The following SND1 variants were observed in gnomAD, a reference collection of about 807,000 sequenced individuals.
SND1 encodes the protein staphylococcal nuclease domain-containing protein 1.
SND1 carries 38 observed loss-of-function variants against 121.7 expected under a neutral mutation model. The ratio of observed to expected loss-of-function variants is 0.31; its 90% CI spans 0.24 to 0.41. The LOEUF is 0.41. Among genes scored for constraint, SND1 ranks in the 10% least tolerant of loss-of-function variants. The pLI is 1.00. For missense variants in SND1, 868 were observed against 1,184.6 expected, an observed-to-expected ratio of 0.73 and a Z score of 3.92; for synonymous variants, 401 against 447.4, an observed-to-expected ratio of 0.90 and a Z score of 1.31.
At position 127,748,971 on chromosome 7, in the gene SND1, C is replaced by G. The variant is rs183348077; in HGVS notation, c.1152+27571C>G. On this transcript the variant is annotated intron_variant, in intron 10 of 23. Transcript: ENST00000354725. The stretch of plus-strand genomic sequence containing the variant: ...AAAACAGATTCCTGCTGTGCACCCC[C>G]CATGAAGTCAGAATTATCTGTGTAG... 1.2e-4 allele frequency among the ~76,000 whole-genome samples: 18 copies of G among 152,110 alleles called. No homozygotes were observed. The East Asian group carries it at 3.5e-3, about 29-fold the overall frequency.
intron 16 of SND1, among the ~76,000 whole-genome samples, chr7:128,034,761 A>G (rs939308560): frequency 6.6e-6 from 1 of 152,240 alleles, no homozygotes; most frequent in Non-Finnish European, 1.5e-5. Flanking sequence ...CAGCTGGGCC[A>G]GGAAAGCACC....
intron 15 of SND1, among the ~76,000 whole-genome samples, chr7:127,959,782 G>C (rs1801684555): frequency 6.6e-6 from 1 of 152,084 alleles, no homozygotes; most frequent in South Asian, 2.1e-4. Context: ...GGTCTGTTTT[G>C]TTCATTGCTA....
At chr7:127,885,697 G>A (rs1159430639) in intron 12 of SND1, among the ~76,000 whole-genome samples, 2 of 152,044 alleles carry the variant, frequency 1.3e-5, no homozygotes, top group African/African-American at 2.4e-5. Context: ...TTAAACATTT[G>A]TGTTGTTTTT....
intron 16 of SND1, among the ~76,000 whole-genome samples, chr7:128,053,303 A>C (rs1329202552): frequency 6.6e-6 from 1 of 152,204 alleles, no homozygotes; most frequent in Non-Finnish European, 1.5e-5. Flanking sequence ...CTGAAACTTC[A>C]AGAAGCCCCT....
At chr7:127,689,457 AG>A (rs2116313346) in intron 2 of SND1, among the ~76,000 whole-genome samples, 1 of 152,326 alleles carries the variant, frequency 6.6e-6, no homozygotes, top group East Asian at 1.9e-4. Flanking sequence ...CTAAGAAAGA[AG>A]GGTTGGATTT....
chr7:127,821,769 T>A (rs1353355908), intron 11 of SND1, among the ~76,000 whole-genome samples: 3 of 152,196 alleles, frequency 2.0e-5, no homozygotes, highest in Non-Finnish European at 4.4e-5. Context: ...GCAGTGATTT[T>A]AAAAAATTTT....
chr7:127,818,924 C>T (rs1246027314), intron 11 of SND1, among the ~76,000 whole-genome samples: 2 of 152,190 alleles, frequency 1.3e-5, no homozygotes, highest in Non-Finnish European at 2.9e-5. Context: ...GATGGTGTCA[C>T]GTGCAGCTAG....
At chr7:128,027,313 G>A (rs1172130389) in intron 16 of SND1, 2 of 152,500 alleles carry the variant, frequency 1.3e-5, no homozygotes, top group Admixed American at 1.3e-4. Flanking sequence ...TTCTCCTGAG[G>A]GGGCCTGGGA....
At chr7:127,757,886 GT>G (rs1423615255) in intron 10 of SND1, among the ~76,000 whole-genome samples, 1 of 152,122 alleles carries the variant, frequency 6.6e-6, no homozygotes, top group East Asian at 1.9e-4. Flanking sequence ...TGTTTCCTGT[GT>G]TCTTAATTTC....
At chr7:127,667,731 C>A (rs2116253822) in intron 1 of SND1, among the ~76,000 whole-genome samples, 1 of 152,314 alleles carries the variant, frequency 6.6e-6, no homozygotes, top group African/African-American at 2.4e-5. Context: ...AACAATATTA[C>A]AGATCAGGCG....
At chr7:128,047,413 A>G (rs1792968715) in intron 16 of SND1, among the ~76,000 whole-genome samples, 2 of 152,366 alleles carry the variant, frequency 1.3e-5, no homozygotes, top group Admixed American at 6.5e-5. Flanking sequence ...AGCCAAATCC[A>G]GGTACCACTG....
At chr7:127,680,620 G>C (rs1252388996) in intron 1 of SND1, among the ~76,000 whole-genome samples, 1 of 151,792 alleles carries the variant, frequency 6.6e-6, no homozygotes, top group African/African-American at 2.4e-5. Flanking sequence ...AGAGTTTAAG[G>C]TTCTCTCTCT....
rs58371490 is a variant in SND1, at chr7:128,022,204, C to CAA, written c.1779+31170_1779+31171dup. Reference sequence around the variant, plus strand: ...TGGGCAACAGAGCAAGACTCTCTCTCAAAAAAAAAAAAAAAAAAAAAAAGA... The same window carrying CAA: ...TGGGCAACAGAGCAAGACTCTCTCTCAAAAAAAAAAAAAAAAAAAAAAAAAGA... On this transcript the variant is annotated intron_variant, in intron 16 of 23. Transcript: ENST00000354725. 5.8e-3 allele frequency among the ~76,000 whole-genome samples: 429 copies of CAA among 73,606 alleles called. 2 individuals are homozygous for CAA. Among genetic ancestry groups the CAA allele is most frequent in the South Asian group, 9.9e-3 (15 of 1,518 alleles). 48.3% of individuals were successfully genotyped at this position (73,606 alleles called of 152,430 possible). A position where few individuals can be genotyped will look rare whatever the true frequency, so the allele number is the denominator to read the frequency against.
intron 16 of SND1, chr7:128,032,156 C>T (rs1206136309): frequency 1.3e-5 from 2 of 151,860 alleles, no homozygotes; most frequent in Non-Finnish European, 2.9e-5. Flanking sequence ...ATGCAGTGCT[C>T]TTATGTATTA....
At position 127,847,213 on chromosome 7, in the gene SND1, A is replaced by G. The variant is rs183047975; in HGVS notation, c.1343+2789A>G. 5.9e-3 allele frequency among the ~76,000 whole-genome samples: 891 copies of G among 152,288 alleles called. 16 individuals carry two copies. Among genetic ancestry groups the G allele is most frequent in the African/African-American group, 0.02 (849 of 41,546 alleles). ...CTTGAACCCCGGAGGCGGGAGTTGC[A>G]GTGAGCCGAGATCATGCCACTGCAC... On this transcript the variant is annotated intron_variant, in intron 12 of 23. Coordinates refer to ENST00000354725, the MANE Select transcript of SND1 (RefSeq NM_014390.4).
intron 17 of SND1, among the ~76,000 whole-genome samples, chr7:128,075,396 G>C (rs1793490908): frequency 6.6e-6 from 1 of 152,230 alleles, no homozygotes; most frequent in Non-Finnish European, 1.5e-5. Flanking sequence ...GCCGTGCTGA[G>C]CTATAAATTT....
At chr7:128,033,823 G>T (rs1453592623) in intron 16 of SND1, among the ~76,000 whole-genome samples, 1 of 152,142 alleles carries the variant, frequency 6.6e-6, no homozygotes, top group Non-Finnish European at 1.5e-5. Flanking sequence ...CAGATGTCAA[G>T]AAACTTGGGT....
chr7:127,793,230 G>A (rs148039731), intron 10 of SND1, among the ~76,000 whole-genome samples: 19 of 152,314 alleles, frequency 1.2e-4, no homozygotes, highest in Admixed American at 3.3e-4. Flanking sequence ...CAGCAGTTGG[G>A]AGGCAGACGA....
At chr7:128,033,310 TGG>T (rs1330476717) in intron 16 of SND1, among the ~76,000 whole-genome samples, 1 of 152,146 alleles carries the variant, frequency 6.6e-6, no homozygotes, top group Admixed American at 6.5e-5. Context: ...CTGCCGACTG[TGG>T]GTGAGGCAAT....
Sources: gnomAD v4.1 joint callset for allele counts (sites outside exome capture counted in the v4.1 genomes callset) on GRCh38, gnomAD v4.1.1 for gene constraint, MANE v1.5 for transcripts, NCBI Gene and HGNC (gene_info 2026-07-23, HGNC 2026-07-21) for gene names.